DNAJC1: variants seen among roughly 807,000 people sequenced by gnomAD.
DNAJC1 encodes the protein DnaJ heat shock protein family (Hsp40) member C1, also known as dnaJ homolog subfamily C member 1.
Under a neutral mutation model 76.6 loss-of-function variants are expected in DNAJC1, and 58 were observed. The observed-to-expected ratio is 0.76, with a 90% confidence interval of 0.61 to 0.94. The LOEUF (loss-of-function observed/expected upper bound fraction) is 0.94, where lower values mean the gene tolerates loss of function less well. Ranked by LOEUF, DNAJC1 falls within the 40% of genes least tolerant of loss-of-function variation. The pLI is 0.00. For missense variants in DNAJC1, 689 were observed against 677.3 expected (o/e 1.02, Z -0.19); for synonymous variants, 258 against 267.9 (o/e 0.96, Z 0.36).
intron 9 of DNAJC1, among the ~76,000 whole-genome samples, chr10:21,794,854 A>C (rs190157402): frequency 9.8e-5 from 15 of 152,302 alleles, no homozygotes; most frequent in African/African-American, 3.4e-4. Flanking sequence ...ATACAGGTTG[A>C]GTATTCCTTC....
At chr10:21,962,941 G>A (rs944387091) in intron 1 of DNAJC1, among the ~76,000 whole-genome samples, 1 of 151,914 alleles carries the variant, frequency 6.6e-6, no homozygotes, top group African/African-American at 2.4e-5. Context: ...AAAATAATAT[G>A]GTTTAAACTG....
Position 21,873,102 on chromosome 10 carries a change from G to A in DNAJC1, c.978+9180C>T, listed in dbSNP as rs528443017. 8.8e-4 allele frequency among the ~76,000 whole-genome samples: 134 copies of A among 152,100 alleles called. No homozygotes were observed. In the Middle Eastern group the frequency reaches 0.014, roughly 15 times the overall value. On this transcript the variant is annotated intron_variant, in intron 8 of 11. Coordinates refer to ENST00000376980, the MANE Select transcript of DNAJC1 (RefSeq NM_022365.4). The stretch of plus-strand genomic sequence containing the variant: ...ACCGGTGCACGCATCCCCCAGTCAC[G>A]TACCCCCTGCTTGCTCAATAGATCA...
intron 9 of DNAJC1, among the ~76,000 whole-genome samples, chr10:21,801,485 A>G (rs2131639339): frequency 6.6e-6 from 1 of 152,290 alleles, no homozygotes; most frequent in South Asian, 2.1e-4. Context: ...AAAAAATAAC[A>G]AATGCTGGCA....
At chr10:21,993,150 C>A (rs1311888930) in intron 1 of DNAJC1, among the ~76,000 whole-genome samples, 1 of 151,882 alleles carries the variant, frequency 6.6e-6, no homozygotes, top group African/African-American at 2.4e-5. Context: ...ACATTTTATA[C>A]TCATAAATTT....
intron 1 of DNAJC1, among the ~76,000 whole-genome samples, chr10:21,943,326 A>G (rs754803664): frequency 1.3e-5 from 2 of 152,256 alleles, no homozygotes; most frequent in Non-Finnish European, 2.9e-5. Context: ...AAAGGCAAGT[A>G]AAGTAGATAA....
rs141362475 is a variant in DNAJC1, at chr10:21,851,675, A to G, written c.978+30607T>C. On this transcript the variant is annotated intron_variant, in intron 8 of 11. Transcript: ENST00000376980. ...ATTGAAAACATAAACTCAAATAACC[A>G]TACACACATTTGTAGCACCATCATT... Among the ~76,000 whole-genome samples, 27 of 152,348 alleles carry G rather than the reference A, an allele frequency of 1.8e-4. No individual in the cohort carries two copies. The East Asian group carries it at 5.0e-3, about 28-fold the overall frequency.
Position 21,759,439 on chromosome 10 carries a change from G to C in DNAJC1, c.1327C>G (p.Arg443Gly). The C allele has an allele frequency of 1.2e-6, 2 of 1,614,056 alleles. No individual in the cohort carries two copies. The highest frequency in any genetic ancestry group is 1.7e-5 in the Admixed American group (1 of 60,024). Residue 443 changes from arginine to glycine, a missense_variant, in exon 11 of 12, where the codon CGG becomes GGG. Transcript: ENST00000376980. ...AGCAGCCTGGCTGGCTTCCGCCTCC[G>C]AGGCCGGGCATCAGTGGCCCCGGTC... The part of the protein sequence containing the change: ...QETGATDARP[R>G]RRKPARLLEA...
chr10:21,844,825 G>A (rs969886017), intron 8 of DNAJC1, among the ~76,000 whole-genome samples: 2 of 152,258 alleles, frequency 1.3e-5, no homozygotes, highest in South Asian at 4.1e-4. Flanking sequence ...AATTGAACGT[G>A]AGCTCAATAC....
chr10:21,828,087 T>C (rs1835292364), intron 8 of DNAJC1, among the ~76,000 whole-genome samples: 1 of 152,234 alleles, frequency 6.6e-6, no homozygotes, highest in South Asian at 2.1e-4. Flanking sequence ...TTCCTCCATA[T>C]AATTGCCAAC....
chr10:21,817,663 T>G (rs1365288243), intron 8 of DNAJC1, among the ~76,000 whole-genome samples: 1 of 152,226 alleles, frequency 6.6e-6, no homozygotes, highest in East Asian at 1.9e-4. Flanking sequence ...AGAATAAATG[T>G]TGCAGGAAGT....
intron 8 of DNAJC1, among the ~76,000 whole-genome samples, 156 bp downstream of exon 8, chr10:21,882,126 C>A (rs1445592539): frequency 2.6e-5 from 4 of 152,148 alleles, no homozygotes; most frequent in African/African-American, 9.7e-5. Context: ...TGCACTCCAG[C>A]CTGGGTGACA....
At chr10:21,773,121 C>G (rs1834409047) in intron 9 of DNAJC1, among the ~76,000 whole-genome samples, 1 of 152,188 alleles carries the variant, frequency 6.6e-6, no homozygotes, top group South Asian at 2.1e-4. Flanking sequence ...TTGGTGGAGA[C>G]ACAGATCCAA....
intron 11 of DNAJC1, among the ~76,000 whole-genome samples, chr10:21,757,850 T>C (rs1008275956): frequency 2.6e-5 from 4 of 152,176 alleles, no homozygotes; most frequent in Non-Finnish European, 5.9e-5. Context: ...CCCTGCTCAT[T>C]GCTGGTTGAA....
chr10:21,930,051 C>T (rs971198636), intron 1 of DNAJC1, among the ~76,000 whole-genome samples: 2 of 152,220 alleles, frequency 1.3e-5, no homozygotes, highest in East Asian at 1.9e-4. Context: ...TCTCAGCTCA[C>T]TGCAACCTCC....
At position 21,919,906 on chromosome 10, in the gene DNAJC1, C is replaced by CT. The variant is rs1233680207; in HGVS notation, c.560dup (p.Arg188GlufsTer24). 3 of 1,604,634 alleles carry CT rather than the reference C, an allele frequency of 1.9e-6. No individual in the cohort carries two copies. The highest frequency in any genetic ancestry group is 2.5e-6 in the Non-Finnish European group (3 of 1,177,152). On this transcript the variant is annotated frameshift_variant, in exon 5 of 12. Coordinates refer to ENST00000376980, the MANE Select transcript of DNAJC1 (RefSeq NM_022365.4). LOFTEE classifies it high-confidence loss of function. ...TGCCAGTCTTTTTTTTCTTTTCTCT[C>CT]TTTTTTCTACTTAGTAGTTCATCCT...
rs140657269 is a variant in DNAJC1, at chr10:21,830,623, T to C, written c.979-24524A>G. ...TACTACTCAAATACAAAGATTTCTC[T>C]TTCTTACCAATTCTGAAAAATCTGT... On this transcript the variant is annotated intron_variant, in intron 8 of 11. Coordinates refer to ENST00000376980, the MANE Select transcript of DNAJC1 (RefSeq NM_022365.4). 2.4e-3 allele frequency among the ~76,000 whole-genome samples: 370 copies of C among 152,330 alleles called. 1 individual carries two copies. Among genetic ancestry groups the C allele is most frequent in the African/African-American group, 8.3e-3 (344 of 41,592 alleles).
chr10:21,758,044 G>A (rs930218704), intron 11 of DNAJC1, among the ~76,000 whole-genome samples: 12 of 152,194 alleles, frequency 7.9e-5, no homozygotes, highest in African/African-American at 2.9e-4. Flanking sequence ...CAGTCGGAGA[G>A]GCTGGGAGAA....
chr10:21,952,534 A>G (rs1348680058), intron 1 of DNAJC1, among the ~76,000 whole-genome samples: 2 of 152,172 alleles, frequency 1.3e-5, no homozygotes, highest in Non-Finnish European at 2.9e-5. Context: ...GACGCAGGCG[A>G]TCACCTGGGG....
intron 8 of DNAJC1, among the ~76,000 whole-genome samples, chr10:21,822,238 C>T (rs938905641): frequency 1.3e-5 from 2 of 151,772 alleles, no homozygotes; most frequent in East Asian, 1.9e-4. Context: ...CAGGAGTTCG[C>T]GACCAGCCTG....
Sources: allele counts gnomAD v4.1 joint callset (sites outside exome capture counted in the v4.1 genomes callset), GRCh38; gene constraint gnomAD v4.1.1; transcripts MANE v1.5; gene names NCBI Gene and HGNC (gene_info 2026-07-23, HGNC 2026-07-21).